The following PCSK2 variants were observed in gnomAD, a reference collection of about 807,000 sequenced individuals.
PCSK2 encodes the protein neuroendocrine convertase 2.
A neutral mutation model predicts 69.7 loss-of-function variants in PCSK2; 14 were observed. The observed-to-expected ratio is 0.20, with a 90% confidence interval of 0.13 to 0.31. PCSK2 has a LOEUF of 0.31. Ranked by LOEUF, PCSK2 falls within the 10% of genes least tolerant of loss-of-function variation. PCSK2 has a pLI of 1.00. For synonymous variants in PCSK2, 307 were observed against 320.7 expected (o/e 0.96, Z 0.46); for missense variants, 544 against 842.5 (o/e 0.65, Z 4.39).
chr20:17,277,318 A>G (rs1441911051), intron 2 of PCSK2, among the ~76,000 whole-genome samples: 2 of 152,154 alleles, frequency 1.3e-5, no homozygotes, highest in Non-Finnish European at 2.9e-5. Flanking sequence ...ACTTCAAACT[A>G]TACTACAAGG....
chr20:17,473,806 C>T (rs1330825792), intron 11 of PCSK2, among the ~76,000 whole-genome samples: 1 of 152,192 alleles, frequency 6.6e-6, no homozygotes, highest in South Asian at 2.1e-4. Flanking sequence ...CTGGAATTCA[C>T]AGCATGCTTT....
chr20:17,246,184 A>G (rs1986765105), intron 1 of PCSK2, among the ~76,000 whole-genome samples: 1 of 152,182 alleles, frequency 6.6e-6, no homozygotes, highest in African/African-American at 2.4e-5. Flanking sequence ...CCAGCATACC[A>G]AGATAATTTT....
chr20:17,270,200 T>A (rs6044717), intron 2 of PCSK2, among the ~76,000 whole-genome samples: 130,542 of 151,626 alleles, frequency 0.86, 56,378 homozygotes, highest in Admixed American at 0.9. Context: ...TCAAAAAAAA[T>A]TTTTTTTAAT....
intron 1 of PCSK2, among the ~76,000 whole-genome samples, chr20:17,249,917 A>G (rs1006220086): frequency 6.6e-6 from 1 of 152,230 alleles, no homozygotes; most frequent in African/African-American, 2.4e-5. Context: ...AATGGATAAT[A>G]GTGATAGTTG....
At chr20:17,312,836 T>A (rs553038997) in intron 2 of PCSK2, among the ~76,000 whole-genome samples, 1 of 152,284 alleles carries the variant, frequency 6.6e-6, no homozygotes, top group African/African-American at 2.4e-5. Flanking sequence ...ATAAACTCTG[T>A]GTCTAGAATT....
intron 2 of PCSK2, among the ~76,000 whole-genome samples, chr20:17,338,602 T>C (rs960282127): frequency 1.3e-5 from 2 of 152,206 alleles, no homozygotes; most frequent in Admixed American, 6.5e-5. Context: ...GAAAACTCTC[T>C]TTTTCTTTGA....
chr20:17,277,011 G>A (rs536850539), intron 2 of PCSK2, among the ~76,000 whole-genome samples: 4 of 152,160 alleles, frequency 2.6e-5, no homozygotes, highest in East Asian at 3.9e-4. Context: ...CAACTTACAA[G>A]GGATGTGAAG....
At chr20:17,433,812 T>TCTCCC (rs774361715) in intron 7 of PCSK2, among the ~76,000 whole-genome samples, 10 of 104,128 alleles carry the variant, frequency 9.6e-5, no homozygotes, top group Non-Finnish European at 1.7e-4. Context: ...TCTCTCTCTC[T>TCTCCC]CCCCCCACTT....
At chr20:17,313,235 C>T (rs976983408) in intron 2 of PCSK2, among the ~76,000 whole-genome samples, 2 of 152,016 alleles carry the variant, frequency 1.3e-5, no homozygotes, top group Admixed American at 6.5e-5. Context: ...GTGTATTGTC[C>T]ACTCACAGCA....
intron 2 of PCSK2, among the ~76,000 whole-genome samples, chr20:17,284,199 A>G (rs1568584593): frequency 6.6e-6 from 1 of 152,176 alleles, no homozygotes; most frequent in Non-Finnish European, 1.5e-5. Flanking sequence ...TTCCCACTAA[A>G]TGGAGAGATG....
At chr20:17,402,935 C>A (rs879373843) in intron 5 of PCSK2, among the ~76,000 whole-genome samples, 3 of 151,082 alleles carry the variant, frequency 2.0e-5, no homozygotes, top group Non-Finnish European at 4.4e-5. Context: ...CCAGCCTGGG[C>A]GACAGAGCGA....
chr20:17,460,367 C>G (rs566911294), intron 10 of PCSK2, among the ~76,000 whole-genome samples: 1 of 152,308 alleles, frequency 6.6e-6, no homozygotes, highest in South Asian at 2.1e-4. Context: ...CTGCTTATTT[C>G]TCATTGGCTA....
intron 2 of PCSK2, among the ~76,000 whole-genome samples, chr20:17,272,077 AC>A (rs2123026715): frequency 6.6e-6 from 1 of 152,244 alleles, no homozygotes; most frequent in South Asian, 2.1e-4. Flanking sequence ...CCATGTGAGA[AC>A]CCTTCAAACA....
chr20:17,321,499 T>A (rs1989866355), intron 2 of PCSK2, among the ~76,000 whole-genome samples: 2 of 152,246 alleles, frequency 1.3e-5, no homozygotes, highest in Admixed American at 1.3e-4. Flanking sequence ...TAATAATCCT[T>A]TCTTTCTAAT....
At chr20:17,332,854 C>T (rs528217803) in intron 2 of PCSK2, among the ~76,000 whole-genome samples, 1 of 152,208 alleles carries the variant, frequency 6.6e-6, no homozygotes, top group South Asian at 2.1e-4. Context: ...ACTATATATG[C>T]AATATAGTCT....
chr20:17,228,050 C>G (rs555303245), intron 1 of PCSK2: 9 of 152,438 alleles, frequency 5.9e-5, no homozygotes, highest in African/African-American at 2.2e-4. Context: ...AAACTGGTCT[C>G]TAAAATCGGG....
chr20:17,290,602 T>C (rs1988664986), intron 2 of PCSK2, among the ~76,000 whole-genome samples: 1 of 152,222 alleles, frequency 6.6e-6, no homozygotes, highest in Admixed American at 6.5e-5. Context: ...CAAGAGACAG[T>C]AGCACCTAGT....
intron 6 of PCSK2, among the ~76,000 whole-genome samples, chr20:17,421,948 T>A (rs1469530460): frequency 3.3e-5 from 5 of 152,092 alleles, no homozygotes; most frequent in Non-Finnish European, 7.4e-5. Context: ...TTGTACTATA[T>A]GAAATCGGTT....
At chr20:17,408,861 C>G (rs1375704811) in intron 5 of PCSK2, among the ~76,000 whole-genome samples, 3 of 152,170 alleles carry the variant, frequency 2.0e-5, no homozygotes, top group African/African-American at 7.2e-5. Flanking sequence ...ACTCTAGAGG[C>G]CATCTCACTT....
Sources: gnomAD v4.1 joint callset for allele counts (sites outside exome capture counted in the v4.1 genomes callset) on GRCh38, gnomAD v4.1.1 for gene constraint, MANE v1.5 for transcripts, NCBI Gene and HGNC (gene_info 2026-07-23, HGNC 2026-07-21) for gene names.